Variants in GTF2IRD2B observed in about 807,000 individuals in gnomAD.
GTF2IRD2B encodes GTF2I repeat domain containing 2B.
In GTF2IRD2B, 10 loss-of-function variants were observed where a neutral mutation model predicts 55.6. The observed-to-expected ratio is 0.18, with a 90% CI of 0.11 to 0.31. The LOEUF is 0.31. GTF2IRD2B is among the 10% of genes least tolerant of loss of function. The pLI is 1.00. For synonymous variants in GTF2IRD2B, 107 were observed against 320.5 expected, an observed-to-expected ratio of 0.33 and a Z score of 7.12; for missense variants, 206 against 802.7, an observed-to-expected ratio of 0.26 and a Z score of 8.98.
At chr7:75,130,144 T>TC (rs1808625308) in intron 8 of GTF2IRD2B, among the ~76,000 whole-genome samples, 4 of 109,344 alleles carry the variant, frequency 3.7e-5, no homozygotes, top group African/African-American at 1.3e-4. Flanking sequence ...TTTCTTTCTT[T>TC]CTTTCCTTCT....
intron 8 of GTF2IRD2B, among the ~76,000 whole-genome samples, chr7:75,127,862 A>C (rs1198399853): frequency 7.8e-5 from 1 of 12,800 alleles, no homozygotes; most frequent in East Asian, 9.6e-4. Flanking sequence ...AATTAGAGGA[A>C]AAATGTTAAC....
rs1475614294 is a variant in GTF2IRD2B, at chr7:75,149,629, C to T, written c.*332C>T. On this transcript the variant is annotated 3_prime_UTR_variant, in exon 16 of 16. Transcript: ENST00000472837. ...CTGACCTCAGGTGATCCACCTGCCT[C>T]GACCTCACAAAGTGCTGGGATTACA... 14 of 341,192 alleles carry T rather than the reference C, an allele frequency of 4.1e-5. 1 individual carries two copies. Among genetic ancestry groups the T allele is most frequent in the South Asian group, 6.9e-5 (3 of 43,716 alleles). 21.1% of individuals were successfully genotyped at this position (341,192 alleles called of 1,614,324 possible). A position where few individuals can be genotyped will look rare whatever the true frequency, so the allele number is the denominator to read the frequency against.
chr7:75,114,988 G>T (rs1362546797), intron 3 of GTF2IRD2B, among the ~76,000 whole-genome samples: 1 of 142,060 alleles, frequency 7.0e-6, no homozygotes, highest in Non-Finnish European at 1.5e-5. Flanking sequence ...AGTAGAGACA[G>T]GGTTTCCCCA....
chr7:75,148,464 G>C lies in GTF2IRD2B; in HGVS notation c.2017G>C (p.Val673Leu). 6.2e-7 allele frequency: 1 copy of C among 1,610,546 alleles called. No individual in the cohort carries two copies. Among genetic ancestry groups the C allele is most frequent in the South Asian group, 1.1e-5 (1 of 90,926 alleles). Residue 673 changes from valine (V) to leucine (L), a missense_variant, in exon 16 of 16, where the codon GTG becomes CTG. By Grantham distance (32) the Val-to-Leu change is conservative (BLOSUM62 1). Coordinates refer to ENST00000472837, the MANE Select transcript of GTF2IRD2B (RefSeq NM_001003795.3). ...QKLKMDHVMDVVVKSVNWICS... is the reference protein window; with the variant it reads ...QKLKMDHVMDLVVKSVNWICS... The stretch of plus-strand genomic sequence containing the variant: ...GTTGAAGATGGACCACGTCATGGAC[G>C]TGGTAGTGAAGTCCGTGAACTGGAT...
chr7:75,114,768 C>T (rs1473858946), intron 3 of GTF2IRD2B, among the ~76,000 whole-genome samples: 1 of 150,632 alleles, frequency 6.6e-6, no homozygotes, highest in Admixed American at 6.7e-5. Flanking sequence ...GATATGATTT[C>T]TTTCTTTTTT....
chr7:75,116,779 A>AT (rs1341330409), intron 3 of GTF2IRD2B, among the ~76,000 whole-genome samples: 2 of 146,772 alleles, frequency 1.4e-5, no homozygotes, highest in African/African-American at 5.0e-5. Context: ...AGTAACTGGG[A>AT]TTACAGGTGC....
At chr7:75,109,465 A>T (rs1227184462) in intron 2 of GTF2IRD2B, among the ~76,000 whole-genome samples, 1 of 129,000 alleles carries the variant, frequency 7.8e-6, no homozygotes, top group African/African-American at 2.6e-5. Context: ...CAGCCTCCCA[A>T]GTAGCTGGGA....
intron 4 of GTF2IRD2B, among the ~76,000 whole-genome samples, chr7:75,122,822 T>C (rs1395373472): frequency 6.7e-6 from 1 of 149,432 alleles, no homozygotes; most frequent in Admixed American, 6.7e-5. Flanking sequence ...CTAAGGTGGG[T>C]AGATCGCCTG....
rs1438227783 is a variant in GTF2IRD2B at position 75,146,307 on chromosome 7, G to A, written c.1247-1387G>A. 4 of 4,116 alleles carry A rather than the reference G, an allele frequency of 9.7e-4. 2 individuals carry two copies. The highest frequency in any genetic ancestry group is 1.9e-3 in the Non-Finnish European group (4 of 2,146). The allele number at this position is 4,116 out of a possible 1,614,324, so 0.3% of individuals were successfully genotyped here. ...ATGAGTTTTGTGTGGTTCTGTGGCCGTCACCCTTGTCATTTGAGACTCACA... is the reference window on the plus strand; with the variant it reads ...ATGAGTTTTGTGTGGTTCTGTGGCCATCACCCTTGTCATTTGAGACTCACA... On this transcript the variant is annotated intron_variant, in intron 15 of 15. Transcript: ENST00000472837.
At position 75,126,776 on chromosome 7, in the gene GTF2IRD2B, C is replaced by T. The variant is rs587661676; in HGVS notation, c.670+391C>T. ...CTTTGGGAGGCTGAGGCGGACAGAT[C>T]GCCTGAGCTCAGGAGTTCAAGACCA... is the stretch of plus-strand genomic sequence containing the variant. On this transcript the variant is annotated intron_variant, in intron 8 of 15. Transcript: ENST00000472837. Among the ~76,000 whole-genome samples the T allele has an allele frequency of 6.6e-4, 99 of 150,248 alleles. 2 individuals carry two copies. Among genetic ancestry groups the T allele is most frequent in the Admixed American group, 2.3e-3 (34 of 15,022 alleles).
In GTF2IRD2B at chr7:75,116,640, C is replaced by CTT. The variant is rs782017384; in HGVS notation, c.238+4120_238+4121dup. Among the ~76,000 whole-genome samples, 216 of 118,266 alleles carry CTT rather than the reference C, an allele frequency of 1.8e-3. 1 individual carries two copies. Among genetic ancestry groups the CTT allele is most frequent in the African/African-American group, 4.9e-3 (147 of 30,016 alleles). The allele number at this position is 118,266 out of a possible 152,430, so 77.6% of individuals were successfully genotyped here. A position where few individuals can be genotyped will look rare whatever the true frequency, so the allele number is the denominator to read the frequency against. On this transcript the variant is annotated intron_variant, in intron 3 of 15. Transcript: ENST00000472837. The stretch of plus-strand genomic sequence containing the variant: ...GGGAGAGAGGGCATCTTTGCCATTT[C>CTT]TTTTTTTTTTTTTTTTCTTTGAGAT...
intron 15 of GTF2IRD2B, chr7:75,146,854 T>A (rs1339075862): frequency 6.8e-6 from 1 of 146,398 alleles, no homozygotes; most frequent in East Asian, 2.0e-4. Context: ...TCCCAGCACT[T>A]TGGGAGGCCA....
chr7:75,124,299 T>C (rs1808483741), intron 6 of GTF2IRD2B, among the ~76,000 whole-genome samples: 2 of 152,304 alleles, frequency 1.3e-5, no homozygotes, highest in East Asian at 1.9e-4. Context: ...ACCCGAGATG[T>C]AGAGTTTGCA....
At chr7:75,113,714 T>C (rs113790099) in intron 3 of GTF2IRD2B, among the ~76,000 whole-genome samples, 583 of 146,404 alleles carry the variant, frequency 4.0e-3, no homozygotes, top group South Asian at 0.016. Context: ...AGTATTGATA[T>C]AGCAATTTAA....
intron 1 of GTF2IRD2B, among the ~76,000 whole-genome samples, chr7:75,103,989 G>A (rs1316597768): frequency 1.2e-4 from 18 of 150,572 alleles, no homozygotes; most frequent in Admixed American, 6.0e-4. Flanking sequence ...CAGAGATCAT[G>A]CCACTGGGTG....
rs797026361 is a variant in GTF2IRD2B at position 75,103,157 on chromosome 7, T to C, written c.-5-5803T>C. On this transcript the variant is annotated intron_variant, in intron 1 of 15. Coordinates refer to ENST00000472837, the MANE Select transcript of GTF2IRD2B (RefSeq NM_001003795.3). ...AGCTGGGCCCGGTGGCGGGTGCCTA[T>C]AATCCCGGCTACTCGGGAGGCTGAG... Among the ~76,000 whole-genome samples, 7 of 152,072 alleles carry C rather than the reference T, an allele frequency of 4.6e-5. No homozygotes were observed. In the South Asian group the frequency reaches 1.0e-3, roughly 23 times the overall value.
intron 1 of GTF2IRD2B, among the ~76,000 whole-genome samples, chr7:75,106,997 C>T (rs2115710645): frequency 6.6e-6 from 1 of 151,006 alleles, no homozygotes; most frequent in East Asian, 1.9e-4. Flanking sequence ...TTTTAGGAGA[C>T]AGAAGTCCGA....
chr7:75,104,965 A>G (rs1414277756), intron 1 of GTF2IRD2B, among the ~76,000 whole-genome samples: 2 of 152,296 alleles, frequency 1.3e-5, no homozygotes, highest in African/African-American at 4.8e-5. Flanking sequence ...TGGGAGGCAG[A>G]AGCAGGAAGA....
intron 3 of GTF2IRD2B, among the ~76,000 whole-genome samples, chr7:75,119,999 G>T (rs1808314675): frequency 7.7e-6 from 1 of 129,122 alleles, no homozygotes; most frequent in Admixed American, 7.5e-5. Context: ...CGTGGTGGCA[G>T]GCACCTGTAG....
Sources: allele counts gnomAD v4.1 joint callset (sites outside exome capture counted in the v4.1 genomes callset), GRCh38; gene constraint gnomAD v4.1.1; transcripts MANE v1.5; gene names NCBI Gene and HGNC (gene_info 2026-07-23, HGNC 2026-07-21).